The following PSG1 variants were observed in gnomAD, a reference collection of about 807,000 sequenced individuals.
PSG1 encodes pregnancy-specific beta-1-glycoprotein 1.
Under a neutral mutation model 41.4 loss-of-function variants are expected in PSG1, and 60 were observed. That is an observed-to-expected ratio of 1.45 (90% CI 1.18 to 1.80). PSG1 has a LOEUF of 1.80. PSG1 is among the 40% of genes most tolerant of loss of function. The pLI is 0.00. For missense variants in PSG1, 806 were observed against 516.9 expected, an observed-to-expected ratio of 1.56 and a Z score of -5.42; for synonymous variants, 256 against 192.9, an observed-to-expected ratio of 1.33 and a Z score of -2.71.
rs1457826653 is a variant in PSG1 at position 42,878,150 on chromosome 19, A to G, written c.193T>C (p.Tyr65His). 3 of 1,612,270 alleles carry G rather than the reference A, an allele frequency of 1.9e-6. No individual in the cohort carries two copies. The highest frequency in any genetic ancestry group is 1.7e-6 in the Non-Finnish European group (2 of 1,179,172). Residue 65 changes from tyrosine (Y) to histidine (H), a missense_variant, in exon 2 of 6, where the codon TAC (tyrosine) becomes CAC (histidine). Coordinates refer to ENST00000436291, the MANE Select transcript of PSG1 (RefSeq NM_001184825.2). The part of the protein sequence containing the change: ...VHNLPQNLTG[Y>H]IWYKGQMRDL... Reference sequence around the variant, plus strand: ...CTCATTTGCCCTTTGTACCAGATGTAGCCGGTAAGATTCTGGGGCAAATTG... The same window carrying G: ...CTCATTTGCCCTTTGTACCAGATGTGGCCGGTAAGATTCTGGGGCAAATTG...
At position 42,866,743 on chromosome 19, in the gene PSG1, T is replaced by C; in HGVS notation, c.*391A>G. On this transcript the variant is annotated 3_prime_UTR_variant, in exon 6 of 6. Transcript: ENST00000436291. ...AAAAGTTTGAGGTTGAGATGACATA[T>C]CTGACACTCTGTTGTTACTCTCAGA... is the stretch of plus-strand genomic sequence containing the variant. 2.1e-6 allele frequency: 1 copy of C among 467,004 alleles called. No homozygotes were observed. 28.9% of individuals were successfully genotyped at this position (467,004 alleles called of 1,614,324 possible).
chr19:42,872,350 C>T (rs778900511), intron 2 of PSG1, among the ~76,000 whole-genome samples: 1 of 151,640 alleles, frequency 6.6e-6, no homozygotes, highest in African/African-American at 2.4e-5. Flanking sequence ...CCTCCGTCTC[C>T]AACTGCCTGC....
rs1426656723 is a variant in PSG1 at position 42,875,787 on chromosome 19, A to G, written c.430+2126T>C. On this transcript the variant is annotated intron_variant, in intron 2 of 5. Transcript: ENST00000436291. ...TCATTAAAATCTTTCTTTACTGCAA[A>G]CCGCCATTTCAATTATTTTATTTTA... Among the ~76,000 whole-genome samples the G allele has an allele frequency of 3.3e-5, 5 of 149,332 alleles. No individual in the cohort carries two copies. In the Admixed American group the frequency reaches 3.4e-4, roughly 10 times the overall value.
rs145216547 is a variant in PSG1 at position 42,877,578 on chromosome 19, C to T, written c.430+335G>A. On this transcript the variant is annotated intron_variant, in intron 2 of 5. Coordinates refer to ENST00000436291, the MANE Select transcript of PSG1 (RefSeq NM_001184825.2). ...AGAGTATCTCAGGGGGCCCCTCAGG[C>T]CAAGCCCTACTCAGTTATCCAGGGT... 1.6e-3 allele frequency among the ~76,000 whole-genome samples: 248 copies of T among 151,746 alleles called. 5 individuals carry two copies. Among genetic ancestry groups the T allele is most frequent in the African/African-American group, 3.7e-3 (152 of 41,396 alleles).
intron 2 of PSG1, among the ~76,000 whole-genome samples, chr19:42,877,429 G>A (rs1387711766): frequency 6.6e-6 from 1 of 151,540 alleles, no homozygotes; most frequent in Non-Finnish European, 1.5e-5. Context: ...GTAAATCCTT[G>A]GTCCCAGTAA....
intron 5 of PSG1, chr19:42,867,841 T>C: frequency 2.3e-6 from 3 of 1,297,594 alleles, no homozygotes; most frequent in South Asian, 1.4e-5. Context: ...AAAAACATTA[T>C]CTTCATTATT....
At chr19:42,875,548 C>G (rs969510637) in intron 2 of PSG1, among the ~76,000 whole-genome samples, 4 of 151,590 alleles carry the variant, frequency 2.6e-5, no homozygotes, top group African/African-American at 9.7e-5. Flanking sequence ...ACTAATGGCT[C>G]AGCCAGTCAT....
At chr19:42,877,209 T>C (rs571808260) in intron 2 of PSG1, among the ~76,000 whole-genome samples, 2 of 151,632 alleles carry the variant, frequency 1.3e-5, no homozygotes, top group African/African-American at 4.8e-5. Flanking sequence ...ACATCTTCTC[T>C]CTTCTGTTTC....
At position 42,874,640 on chromosome 19, in the gene PSG1, C is replaced by T. The variant is rs114336430; in HGVS notation, c.431-2595G>A. ...ATAGGCGTGAGCCACTGTGCGCAGC[C>T]GTCTCTGAGGGAGTTTAATGAGTTG... On this transcript the variant is annotated intron_variant, in intron 2 of 5. Coordinates refer to ENST00000436291, the MANE Select transcript of PSG1 (RefSeq NM_001184825.2). 8.9e-3 allele frequency among the ~76,000 whole-genome samples: 1,347 copies of T among 151,908 alleles called. 48 individuals carry two copies. The highest frequency in any genetic ancestry group is 0.03 in the African/African-American group (1,238 of 41,430).
At chr19:42,879,046 T>A (rs1456670711) in intron 1 of PSG1, among the ~76,000 whole-genome samples, 3 of 151,694 alleles carry the variant, frequency 2.0e-5, no homozygotes, top group East Asian at 1.9e-4. Flanking sequence ...TTTTCCTACC[T>A]CTTACCAATT....
At position 42,872,137 on chromosome 19, in the gene PSG1, C is replaced by T. The variant is rs1383837284; in HGVS notation, c.431-92G>A. The T allele has an allele frequency of 4.0e-6, 6 of 1,504,058 alleles. No individual in the cohort carries two copies. The East Asian group carries it at 6.8e-5, about 17-fold the overall frequency. 93.2% of individuals were successfully genotyped at this position (1,504,058 alleles called of 1,614,324 possible). A position where few individuals can be genotyped will look rare whatever the true frequency, so the allele number is the denominator to read the frequency against. The stretch of plus-strand genomic sequence containing the variant: ...ATCAGAATTGGCATTTCCCACCTCT[C>T]AGCCCACCCAAGTCCTTAAAAGCCC... On this transcript the variant is annotated intron_variant, in intron 2 of 5. Transcript: ENST00000436291.
At chr19:42,876,097 G>A (rs1394203643) in intron 2 of PSG1, among the ~76,000 whole-genome samples, 1 of 151,478 alleles carries the variant, frequency 6.6e-6, no homozygotes, top group Non-Finnish European at 1.5e-5. Flanking sequence ...TTAGTGGGAA[G>A]GGAACTGAAC....
chr19:42,875,180 T>A (rs949944690), intron 2 of PSG1, among the ~76,000 whole-genome samples: 5 of 151,826 alleles, frequency 3.3e-5, no homozygotes, highest in African/African-American at 1.2e-4. Context: ...CCTCACTCAT[T>A]CCTGGGCATA....
intron 2 of PSG1, among the ~76,000 whole-genome samples, chr19:42,877,280 A>T (rs1971648570): frequency 6.6e-6 from 1 of 151,570 alleles, no homozygotes; most frequent in Non-Finnish European, 1.5e-5. Context: ...CAGTTGGGTG[A>T]TGGCCTACAA....
At position 42,872,025 on chromosome 19, in the gene PSG1, T is replaced by A. The variant is rs948119115; in HGVS notation, c.451A>T (p.Ile151Phe). The change falls in exon 3 of 6, where the codon ATC becomes TTC. Residue 151 changes from isoleucine (I) to phenylalanine (F), a missense_variant. Coordinates refer to ENST00000436291, the MANE Select transcript of PSG1 (RefSeq NM_001184825.2). ...CTGGGATTTAAGTTGCTGCTGGAGA[T>A]GGAGGGCTTAGGAGTCTCCACTGTG... is the stretch of plus-strand genomic sequence containing the variant. ...TLHLETPKPS[I>F]SSSNLNPRET... 1 of 1,612,206 alleles carries A rather than the reference T, an allele frequency of 6.2e-7. No individual in the cohort carries two copies. The highest frequency in any genetic ancestry group is 1.7e-5 in the Admixed American group (1 of 59,854).
chr19:42,876,564 GTC>G (rs1378147943), intron 2 of PSG1, among the ~76,000 whole-genome samples: 4 of 151,422 alleles, frequency 2.6e-5, no homozygotes, highest in Admixed American at 1.3e-4. Context: ...CTGAGTGTGT[GTC>G]TCTCTCGCTG....
intron 2 of PSG1, among the ~76,000 whole-genome samples, chr19:42,876,179 T>C (rs1256991801): frequency 1.3e-5 from 2 of 151,182 alleles, no homozygotes; most frequent in Admixed American, 6.6e-5. Flanking sequence ...GGACAGGGCT[T>C]GCCAGTCAGA....
chr19:42,875,824 G>GTTTTTTTTTTTTTTTTT, intron 2 of PSG1, among the ~76,000 whole-genome samples: 1 of 128,960 alleles, frequency 7.8e-6, no homozygotes. Context: ...TTATTTATTT[G>GTTTTTTTTTTTTTTTTT]TTTTTTTTTT....
chr19:42,868,014 G>C, intron 5 of PSG1, 87 bp downstream of exon 5: 1 of 1,610,060 alleles, frequency 6.2e-7, no homozygotes, highest in Non-Finnish European at 8.5e-7. Flanking sequence ...CACAGGCTGG[G>C]AATACAATTG....
Sources: allele counts gnomAD v4.1 joint callset (sites outside exome capture counted in the v4.1 genomes callset), GRCh38; gene constraint gnomAD v4.1.1; transcripts MANE v1.5; gene names NCBI Gene and HGNC (gene_info 2026-07-23, HGNC 2026-07-21).